The following ATXN7L1 variants were observed in gnomAD, a reference collection of about 807,000 sequenced individuals.
ATXN7L1 encodes the protein ataxin-7-like protein 1.
A neutral mutation model predicts 70.8 loss-of-function variants in ATXN7L1; 15 were observed. That is an observed-to-expected ratio of 0.21 (90% CI 0.14 to 0.33). The LOEUF (loss-of-function observed/expected upper bound fraction) is 0.33. Among genes scored for constraint, ATXN7L1 ranks in the 10% least tolerant of loss-of-function variants. The pLI, the probability that ATXN7L1 is intolerant of heterozygous loss-of-function variation, is 1.00. For synonymous variants in ATXN7L1, 440 were observed against 445.1 expected (o/e 0.99, Z 0.14); for missense variants, 975 against 1,097.1 (o/e 0.89, Z 1.57).
intron 2 of ATXN7L1, among the ~76,000 whole-genome samples, chr7:105,808,416 A>C (rs1807925343): frequency 6.6e-6 from 1 of 152,202 alleles, no homozygotes; most frequent in African/African-American, 2.4e-5. Flanking sequence ...GAGAGGCGGA[A>C]AAATGAATGA....
chr7:105,860,462 T>A (rs1816462313), intron 2 of ATXN7L1, among the ~76,000 whole-genome samples: 1 of 152,134 alleles, frequency 6.6e-6, no homozygotes. Context: ...GCTCCAGCTA[T>A]CCACTTGAAC....
chr7:105,707,686 A>G (rs750513230), intron 3 of ATXN7L1, among the ~76,000 whole-genome samples: 82 of 152,302 alleles, frequency 5.4e-4, no homozygotes, highest in Non-Finnish European at 1.0e-3. Context: ...TGCGAACATG[A>G]CCTCCTGCAG....
At chr7:105,844,543 A>G (rs1813690457) in intron 2 of ATXN7L1, among the ~76,000 whole-genome samples, 2 of 152,212 alleles carry the variant, frequency 1.3e-5, no homozygotes, top group African/African-American at 4.8e-5. Context: ...CTTAATAAAA[A>G]CACTCAACCA....
chr7:105,613,631 G>A, intron 10 of ATXN7L1: 1 of 1,403,140 alleles, frequency 7.1e-7, no homozygotes, highest in Non-Finnish European at 9.3e-7. Flanking sequence ...AGGACTCAGT[G>A]AGGTAATAAC....
intron 3 of ATXN7L1, among the ~76,000 whole-genome samples, chr7:105,748,559 C>G (rs1798841713): frequency 6.6e-6 from 1 of 152,192 alleles, no homozygotes; most frequent in African/African-American, 2.4e-5. Flanking sequence ...GACCCAGCAC[C>G]AATGTTGCAG....
chr7:105,643,213 T>G, intron 4 of ATXN7L1, 92 bp from the exon 5 acceptor site: 1 of 1,346,288 alleles, frequency 7.4e-7, no homozygotes, highest in Non-Finnish European at 9.9e-7. Context: ...ATCAGAACAT[T>G]TCCTTATCAC....
At chr7:105,640,384 C>T (rs1471013769) in intron 5 of ATXN7L1, among the ~76,000 whole-genome samples, 1 of 152,240 alleles carries the variant, frequency 6.6e-6, no homozygotes, top group East Asian at 1.9e-4. Context: ...TCCCCAGCTC[C>T]TGCCTTCCAG....
At chr7:105,619,140 G>GTTTTTTTGTTTTTTTT (rs1794386563) in intron 9 of ATXN7L1, among the ~76,000 whole-genome samples, 1 of 49,844 alleles carries the variant, frequency 2.0e-5, no homozygotes, top group African/African-American at 8.2e-5. Context: ...GAAATCTTTA[G>GTTTTTTTGTTTTTTTT]TTTTTTTTTT....
chr7:105,661,057 G>A (rs908786467), intron 4 of ATXN7L1, among the ~76,000 whole-genome samples: 7 of 152,172 alleles, frequency 4.6e-5, no homozygotes, highest in East Asian at 1.9e-4. Flanking sequence ...GGGCTGCAGT[G>A]TACAGTTGTA....
intron 2 of ATXN7L1, among the ~76,000 whole-genome samples, chr7:105,832,981 T>C (rs569956276): frequency 6.6e-6 from 1 of 152,306 alleles, no homozygotes; most frequent in Non-Finnish European, 1.5e-5. Context: ...GAAGAGCAGA[T>C]TCTCCACAGA....
chr7:105,668,445 T>G (rs1802994796), intron 3 of ATXN7L1, among the ~76,000 whole-genome samples: 1 of 152,152 alleles, frequency 6.6e-6, no homozygotes, highest in Admixed American at 6.5e-5. Flanking sequence ...TGGTCCAGGC[T>G]GGAGTGCAGT....
intron 4 of ATXN7L1, among the ~76,000 whole-genome samples, chr7:105,645,360 C>CT (rs1798830751): frequency 6.6e-6 from 1 of 152,162 alleles, no homozygotes; most frequent in Non-Finnish European, 1.5e-5. Context: ...ATAAACCTGA[C>CT]TTTAAAAATA....
intron 7 of ATXN7L1, among the ~76,000 whole-genome samples, chr7:105,630,195 C>T (rs1321470685): frequency 1.3e-5 from 2 of 152,146 alleles, no homozygotes; most frequent in African/African-American, 2.4e-5. Flanking sequence ...CATAATGCTG[C>T]CATGAGCATG....
intron 3 of ATXN7L1, among the ~76,000 whole-genome samples, chr7:105,671,281 CAAA>C (rs34689804): frequency 7.7e-6 from 1 of 129,852 alleles, no homozygotes; most frequent in Admixed American, 7.8e-5. Flanking sequence ...GACTCCGTCT[CAAA>C]AAAAAAAAAA....
chr7:105,740,556 T>C (rs495145), intron 3 of ATXN7L1, among the ~76,000 whole-genome samples: 2,069 of 152,120 alleles, frequency 0.014, 52 homozygotes, highest in African/African-American at 0.047. Flanking sequence ...GAATGGACTA[T>C]GTAGCTGGGA....
rs1035923485 is a variant in ATXN7L1 at position 105,651,623 on chromosome 7, G to A, written c.579-8502C>T. Among the ~76,000 whole-genome samples, 4 of 152,208 alleles carry A rather than the reference G, an allele frequency of 2.6e-5. 1 individual carries two copies. Among genetic ancestry groups the A allele is most frequent in the Non-Finnish European group, 4.4e-5 (3 of 68,042 alleles). ...CAGTGAGGAAGAAAAGCAGAACGAG[G>A]TGGGGCCAGATTCAATGGCCCTTTT... On this transcript the variant is annotated intron_variant, in intron 4 of 11. Transcript: ENST00000419735.
intron 3 of ATXN7L1, among the ~76,000 whole-genome samples, chr7:105,767,948 C>T (rs1218951883): frequency 6.6e-6 from 1 of 152,220 alleles, no homozygotes; most frequent in Non-Finnish European, 1.5e-5. Context: ...GGCTCATCTC[C>T]AAGCCCCTTA....
chr7:105,859,492 T>C (rs774050776), intron 2 of ATXN7L1, among the ~76,000 whole-genome samples: 1 of 152,116 alleles, frequency 6.6e-6, no homozygotes, highest in Non-Finnish European at 1.5e-5. Context: ...TAAGAGTATA[T>C]AATACCATAT....
intron 3 of ATXN7L1, among the ~76,000 whole-genome samples, chr7:105,677,217 A>T (rs1184804134): frequency 1.3e-5 from 2 of 152,248 alleles, no homozygotes; most frequent in Non-Finnish European, 2.9e-5. Flanking sequence ...TTCGGGAGTC[A>T]CTGGAAATGC....
Sources: allele counts gnomAD v4.1 joint callset (sites outside exome capture counted in the v4.1 genomes callset), GRCh38; gene constraint gnomAD v4.1.1; transcripts MANE v1.5; gene names NCBI Gene and HGNC (gene_info 2026-07-23, HGNC 2026-07-21).